XRRA1: variants seen among roughly 807,000 people sequenced by gnomAD.
The protein encoded by XRRA1 is X-ray radiation resistance associated 1, also known as X-ray radiation resistance-associated protein 1.
A neutral mutation model predicts 80.2 loss-of-function variants in XRRA1; 69 were observed. The ratio of observed to expected loss-of-function variants is 0.86; its 90% CI spans 0.71 to 1.05. The LOEUF (loss-of-function observed/expected upper bound fraction) is 1.05, where lower values mean the gene tolerates loss of function less well. Ranked by LOEUF, XRRA1 falls within the 50% of genes least tolerant of loss-of-function variation. The probability of loss-of-function intolerance (pLI) is 0.00; values close to 1 mark genes in which losing one functional copy is unlikely to be tolerated. For synonymous variants in XRRA1, 348 were observed against 389.9 expected (o/e 0.89, Z 1.27); for missense variants, 967 against 976.4 (o/e 0.99, Z 0.13).
intron 5 of XRRA1, 50 bp downstream of exon 5, chr11:74,933,751 C>A: frequency 6.5e-7 from 1 of 1,534,038 alleles, no homozygotes; most frequent in South Asian, 1.2e-5. Flanking sequence ...GCCAGGTGCG[C>A]CACCTCAAGT....
At chr11:74,855,619 G>A (rs975297198) in intron 12 of XRRA1, among the ~76,000 whole-genome samples, 2 of 152,178 alleles carry the variant, frequency 1.3e-5, no homozygotes, top group Non-Finnish European at 2.9e-5. Context: ...ATTAAGGAGA[G>A]TGTAACAATC....
chr11:74,850,153 C>T (rs2039400909), intron 14 of XRRA1, among the ~76,000 whole-genome samples: 2 of 152,162 alleles, frequency 1.3e-5, no homozygotes, highest in Non-Finnish European at 2.9e-5. Context: ...TCCCCTAGGA[C>T]CCACACTAAC....
At chr11:74,889,055 G>A (rs1001141169) in intron 10 of XRRA1, among the ~76,000 whole-genome samples, 5 of 152,098 alleles carry the variant, frequency 3.3e-5, no homozygotes, top group Admixed American at 6.6e-5. Context: ...TACACAGAAC[G>A]CCACAAAGAT....
chr11:74,944,954 T>A (rs1293659118), intron 2 of XRRA1, 64 bp downstream of exon 2: 1 of 152,546 alleles, frequency 6.6e-6, no homozygotes, highest in East Asian at 1.9e-4. Flanking sequence ...ATGATGGCTG[T>A]TGGAGAAGCC....
intron 4 of XRRA1, among the ~76,000 whole-genome samples, chr11:74,936,365 C>T (rs1160792196): frequency 6.6e-6 from 1 of 152,222 alleles, no homozygotes; most frequent in Non-Finnish European, 1.5e-5. Context: ...TGTGGGAGAG[C>T]AGGACCCAGT....
chr11:74,923,641 A>G (rs998480935), intron 7 of XRRA1, among the ~76,000 whole-genome samples: 1 of 152,090 alleles, frequency 6.6e-6, no homozygotes, highest in African/African-American at 2.4e-5. Context: ...ATGGATCCCT[A>G]TTCTCCTTAA....
At chr11:74,851,344 A>G in intron 13 of XRRA1, 141 bp from the exon 14 acceptor site, 1 of 544,876 alleles carries the variant, frequency 1.8e-6, no homozygotes, top group Non-Finnish European at 3.2e-6. Context: ...GAGAATTCCT[A>G]CCTCCTAGGA....
chr11:74,894,536 C>A (rs1411594505), intron 10 of XRRA1, among the ~76,000 whole-genome samples: 1 of 152,162 alleles, frequency 6.6e-6, no homozygotes, highest in Non-Finnish European at 1.5e-5. Flanking sequence ...GAGGGGGAGG[C>A]AGGCACCTTC....
intron 10 of XRRA1, among the ~76,000 whole-genome samples, chr11:74,890,054 A>C (rs1376801000): frequency 6.6e-6 from 1 of 152,250 alleles, no homozygotes; most frequent in African/African-American, 2.4e-5. Flanking sequence ...AGCAGACCTA[A>C]TAGACATCTA....
chr11:74,860,613 CAATCCTACA>C (rs1033956825), intron 11 of XRRA1, among the ~76,000 whole-genome samples: 3 of 152,200 alleles, frequency 2.0e-5, no homozygotes, highest in Non-Finnish European at 4.4e-5. Context: ...GAGCACTGAG[CAATCCTACA>C]AATTATCTTT....
rs749003578 is a variant in XRRA1, at chr11:74,844,161, T to C, written c.2043+7A>G. The C allele has an allele frequency of 6.2e-7, 1 of 1,612,406 alleles. No homozygotes were observed. The highest frequency in any genetic ancestry group is 1.3e-5 in the African/African-American group (1 of 74,884). ...CCATTTACACATTCAGTGAGCTGGA[T>C]GTTTACCCGTTTCTCTTTGTGAACA... On this transcript the variant is annotated splice_region_variant and intron_variant, in intron 17 of 18. Transcript: ENST00000684022.
At chr11:74,854,774 C>T (rs1185224547) in intron 12 of XRRA1, among the ~76,000 whole-genome samples, 1 of 152,128 alleles carries the variant, frequency 6.6e-6, no homozygotes, top group Non-Finnish European at 1.5e-5. Flanking sequence ...AATCCCAACA[C>T]TTTGGGAGGC....
intron 14 of XRRA1, among the ~76,000 whole-genome samples, chr11:74,849,081 C>T (rs942798705): frequency 6.6e-6 from 1 of 152,220 alleles, no homozygotes; most frequent in Non-Finnish European, 1.5e-5. Context: ...CTCTCCTCCT[C>T]AGCCTCAGCT....
At chr11:74,934,043 T>C (rs1354760538) in intron 4 of XRRA1, among the ~76,000 whole-genome samples, 171 bp from the exon 5 acceptor site, 1 of 152,214 alleles carries the variant, frequency 6.6e-6, no homozygotes, top group Non-Finnish European at 1.5e-5. Context: ...CGCCAAATAT[T>C]TACCAAACAC....
At chr11:74,918,486 T>C (rs1442530915) in intron 8 of XRRA1, among the ~76,000 whole-genome samples, 1 of 152,164 alleles carries the variant, frequency 6.6e-6, no homozygotes, top group Admixed American at 6.5e-5. Flanking sequence ...GAGGGGATGG[T>C]GAAAGTGTCT....
intron 2 of XRRA1, among the ~76,000 whole-genome samples, chr11:74,941,563 G>A (rs573012540): frequency 4.6e-5 from 7 of 152,244 alleles, no homozygotes; most frequent in Admixed American, 2.0e-4. Context: ...AGGAAGGATG[G>A]TGCCTGCTCC....
At chr11:74,867,008 A>G (rs930686310) in intron 10 of XRRA1, among the ~76,000 whole-genome samples, 3 of 152,172 alleles carry the variant, frequency 2.0e-5, no homozygotes, top group African/African-American at 7.2e-5. Context: ...TACTGCCAGC[A>G]TAAGCACACC....
chr11:74,919,440 G>A, intron 8 of XRRA1: 1 of 192,300 alleles, frequency 5.2e-6, no homozygotes, highest in South Asian at 9.9e-5. Flanking sequence ...ACCTCTCCCT[G>A]CCAAGAATTA....
intron 8 of XRRA1, chr11:74,913,857 A>G (rs1937602459): frequency 6.6e-6 from 1 of 152,212 alleles, no homozygotes; most frequent in East Asian, 1.9e-4. Context: ...AGGTATCTGA[A>G]GCATGTTGTG....
Sources: gnomAD v4.1 joint callset for allele counts (sites outside exome capture counted in the v4.1 genomes callset) on GRCh38, gnomAD v4.1.1 for gene constraint, MANE v1.5 for transcripts, NCBI Gene and HGNC (gene_info 2026-07-23, HGNC 2026-07-21) for gene names.